Variants in TSGA13 observed in about 807,000 individuals in gnomAD.
TSGA13 encodes testis specific 13, also known as testis-specific gene 13 protein.
A neutral mutation model predicts 35.1 loss-of-function variants in TSGA13; 37 were observed. That is an observed-to-expected ratio of 1.05 (90% CI 0.81 to 1.39). The LOEUF is 1.39. Among genes scored for constraint, TSGA13 ranks in the 40% most tolerant of loss-of-function variants. TSGA13 has a pLI of 0.00. For missense variants in TSGA13, 338 were observed against 328.5 expected (o/e 1.03, Z -0.22); for synonymous variants, 124 against 121.2 (o/e 1.02, Z -0.15).
chr7:130,668,740 T>C lies in TSGA13; in HGVS notation c.*274A>G, dbSNP rs2116284985. The C allele has an allele frequency of 6.8e-7, 1 of 1,479,224 alleles. No individual in the cohort carries two copies. The highest frequency in any genetic ancestry group is 1.3e-5 in the South Asian group (1 of 77,674). The allele number at this position is 1,479,224 out of a possible 1,614,324, so 91.6% of individuals were successfully genotyped here. On this transcript the variant is annotated 3_prime_UTR_variant, in exon 8 of 8. Coordinates refer to ENST00000356588, the MANE Select transcript of TSGA13 (RefSeq NM_052933.4). ...GCCGCAGCCGGCGAGCGGAAGAGGC[T>C]GCAGGAAGGCCGGCCCCGCGCTCTC... is the stretch of plus-strand genomic sequence containing the variant.
intron 4 of TSGA13, 47 bp from the exon 5 acceptor site, chr7:130,679,414 G>C (rs782372793): frequency 6.6e-7 from 1 of 1,524,310 alleles, no homozygotes; most frequent in Non-Finnish European, 8.9e-7. Context: ...ATTAGGCCAA[G>C]AGCAGGTTAA....
rs781996934 is a variant in TSGA13, at chr7:130,672,702, G to C, written c.530+32C>G. ...ACGTGAATAGGGAAAAGATAGGAAAGAAAGCAAGTACAAGAAGAAGCAAGA... is the reference window on the plus strand; with the variant it reads ...ACGTGAATAGGGAAAAGATAGGAAACAAAGCAAGTACAAGAAGAAGCAAGA... On this transcript the variant is annotated intron_variant, in intron 6 of 7. Coordinates refer to ENST00000356588, the MANE Select transcript of TSGA13 (RefSeq NM_052933.4). 11 of 1,602,276 alleles carry C rather than the reference G, an allele frequency of 6.9e-6. 1 individual carries two copies. The South Asian group carries it at 7.8e-5, about 11-fold the overall frequency.
chr7:130,669,188 G>T lies in TSGA13; in HGVS notation c.659-5C>A. On this transcript the variant is annotated splice_region_variant and splice_polypyrimidine_tract_variant and intron_variant, in intron 7 of 7. Coordinates refer to ENST00000356588, the MANE Select transcript of TSGA13 (RefSeq NM_052933.4). ...CACTCGCTGACTTCTTGGAAGCTAC[G>T]ACAAAGCACAGGCACCCTGGTGAAT... The T allele has an allele frequency of 6.2e-7, 1 of 1,614,188 alleles. No homozygotes were observed. The highest frequency in any genetic ancestry group is 8.5e-7 in the Non-Finnish European group (1 of 1,180,036).
chr7:130,674,330 G>A (rs556840800), intron 5 of TSGA13, among the ~76,000 whole-genome samples: 3 of 151,288 alleles, frequency 2.0e-5, no homozygotes, highest in Admixed American at 1.3e-4. Context: ...GTGTCACCAC[G>A]CCCAGTTAAT....
At chr7:130,683,732 T>A in intron 2 of TSGA13, 60 bp from the exon 3 acceptor site, 2 of 1,494,956 alleles carry the variant, frequency 1.3e-6, no homozygotes, top group Non-Finnish European at 1.9e-6. Context: ...GACTTCTGCA[T>A]ATTGTCAGTC....
intron 5 of TSGA13, 70 bp from the exon 6 acceptor site, chr7:130,672,946 G>T: frequency 6.7e-7 from 1 of 1,481,514 alleles, no homozygotes; most frequent in Non-Finnish European, 9.0e-7. Context: ...TTTGGACCAA[G>T]TTCCTGGACT....
chr7:130,686,975 T>A (rs75410875), upstream of TSGA13: 5,027 of 152,416 alleles, frequency 0.033, 273 homozygotes, highest in African/African-American at 0.11. Flanking sequence ...GTCTCCCTGG[T>A]TCAAGTGATT....
intron 2 of TSGA13, among the ~76,000 whole-genome samples, chr7:130,684,583 A>G (rs1253758933): frequency 6.6e-6 from 1 of 152,218 alleles, no homozygotes; most frequent in East Asian, 1.9e-4. Flanking sequence ...AAGTAGAAAT[A>G]GCCACGCTAT....
At chr7:130,684,768 C>T (rs1796623063) in intron 2 of TSGA13, among the ~76,000 whole-genome samples, 1 of 152,146 alleles carries the variant, frequency 6.6e-6, no homozygotes, top group Non-Finnish European at 1.5e-5. Flanking sequence ...GATGGAGAGA[C>T]CAAAATTCAT....
intron 2 of TSGA13, 100 bp from the exon 3 acceptor site, chr7:130,683,772 A>G: frequency 9.7e-7 from 1 of 1,027,466 alleles, no homozygotes; most frequent in Non-Finnish European, 1.5e-6. Flanking sequence ...AGCCTAACTC[A>G]GACAAGTCCA....
rs375322073 is a variant in TSGA13, at chr7:130,685,232, C to T, written c.-22G>A. 12 of 1,612,522 alleles carry T rather than the reference C, an allele frequency of 7.4e-6. No individual in the cohort carries two copies. The highest frequency in any genetic ancestry group is 1.6e-4 in the Middle Eastern group (1 of 6,080). On this transcript the variant is annotated 5_prime_UTR_variant, in exon 2 of 8. Transcript: ENST00000356588. ...TCATTGCTGTTGACTGCTAGTTGGC[C>T]AACCCAAGGCAGGTATTCACCCAAG...
intron 3 of TSGA13, among the ~76,000 whole-genome samples, chr7:130,682,008 T>C (rs77801344): frequency 0.033 from 5,063 of 152,130 alleles, 144 homozygotes; most frequent in Middle Eastern, 0.075. Flanking sequence ...GGTGCAATCA[T>C]AGGTCCCTGT....
chr7:130,669,544 T>G (rs1214920848), intron 7 of TSGA13, among the ~76,000 whole-genome samples: 1 of 152,252 alleles, frequency 6.6e-6, no homozygotes, highest in African/African-American at 2.4e-5. Context: ...TGTTCTCTTG[T>G]CTAAGAGTGT....
chr7:130,672,526 A>C (rs1264539597), intron 6 of TSGA13, among the ~76,000 whole-genome samples: 1 of 152,108 alleles, frequency 6.6e-6, no homozygotes, highest in Non-Finnish European at 1.5e-5. Flanking sequence ...TCAATCTTGA[A>C]ACCATTGCCA....
intron 5 of TSGA13, among the ~76,000 whole-genome samples, chr7:130,674,099 A>AAAC (rs553378494): frequency 2.0e-5 from 3 of 151,842 alleles, no homozygotes; most frequent in South Asian, 4.2e-4. Flanking sequence ...CATCTCAGTA[A>AAAC]AACAACAACA....
At chr7:130,672,235 CAAT>C (rs1796290721) in intron 6 of TSGA13, among the ~76,000 whole-genome samples, 1 of 152,156 alleles carries the variant, frequency 6.6e-6, no homozygotes, top group African/African-American at 2.4e-5. Flanking sequence ...GAAGACAAGA[CAAT>C]GATAGGAGCC....
At chr7:130,674,292 C>T (rs1796361027) in intron 5 of TSGA13, among the ~76,000 whole-genome samples, 1 of 148,496 alleles carries the variant, frequency 6.7e-6, no homozygotes, top group Non-Finnish European at 1.5e-5. Flanking sequence ...CCTGCCTCAG[C>T]CTCCCGAGTA....
intron 5 of TSGA13, among the ~76,000 whole-genome samples, chr7:130,673,633 G>T (rs1796336431): frequency 6.6e-6 from 1 of 152,038 alleles, no homozygotes; most frequent in African/African-American, 2.4e-5. Flanking sequence ...CATTGCCAAT[G>T]TGTTGAACTT....
intron 2 of TSGA13, 65 bp downstream of exon 2, chr7:130,685,122 TG>T: frequency 6.7e-7 from 1 of 1,490,776 alleles, no homozygotes; most frequent in Non-Finnish European, 9.4e-7. Flanking sequence ...CAACGTGCTG[TG>T]GGCTATGCAA....
Sources: gnomAD v4.1 joint callset for allele counts (sites outside exome capture counted in the v4.1 genomes callset) on GRCh38, gnomAD v4.1.1 for gene constraint, MANE v1.5 for transcripts, NCBI Gene and HGNC (gene_info 2026-07-23, HGNC 2026-07-21) for gene names.